Variants in ARHGEF18 observed in about 807,000 individuals in gnomAD.
ARHGEF18 encodes Rho/Rac guanine nucleotide exchange factor 18, also known as rho guanine nucleotide exchange factor 18.
ARHGEF18 carries 93 observed loss-of-function variants against 155.7 expected under a neutral mutation model. The observed-to-expected ratio is 0.60, with a 90% confidence interval of 0.50 to 0.71. The LOEUF (loss-of-function observed/expected upper bound fraction) is 0.71. Ranked by LOEUF, ARHGEF18 falls within the 30% of genes least tolerant of loss-of-function variation. The pLI is 0.00. For missense variants in ARHGEF18, 1,593 were observed against 1,816.1 expected (o/e 0.88, Z 2.23); for synonymous variants, 742 against 753.1 (o/e 0.99, Z 0.24).
In ARHGEF18 at chr19:7,467,425, G is replaced by T. The variant is rs1303119354; in HGVS notation, c.3221G>T (p.Arg1074Leu). Residue 1074 changes from arginine to leucine, a missense_variant, in exon 26 of 29, where the codon CGC (arginine) becomes CTC (leucine). Transcript: ENST00000668164. Reference sequence around the variant, plus strand: ...GAGCAGCAGCGCTGGGAGCGCGAGCGCCAGTGGCAGCACCAGGAGCTGGAG... The same window carrying T: ...GAGCAGCAGCGCTGGGAGCGCGAGCTCCAGTGGCAGCACCAGGAGCTGGAG... ...RHEQQRWERE[R>L]QWQHQELERA... 6.5e-7 allele frequency: 1 copy of T among 1,531,656 alleles called. No individual in the cohort carries two copies. The highest frequency in any genetic ancestry group is 8.7e-7 in the Non-Finnish European group (1 of 1,145,196). The allele number at this position is 1,531,656 out of a possible 1,614,324, so 94.9% of individuals were successfully genotyped here. A position where few individuals can be genotyped will look rare whatever the true frequency, so the allele number is the denominator to read the frequency against.
At position 7,440,594 on chromosome 19, in the gene ARHGEF18, C is replaced by A. The variant is rs1974579411; in HGVS notation, c.1106+112C>A. 14 of 1,307,198 alleles carry A rather than the reference C, an allele frequency of 1.1e-5. No individual in the cohort carries two copies. The highest frequency in any genetic ancestry group is 8.1e-5 in the Admixed American group (3 of 37,262). The allele number at this position is 1,307,198 out of a possible 1,614,324, so 81.0% of individuals were successfully genotyped here. A position where few individuals can be genotyped will look rare whatever the true frequency, so the allele number is the denominator to read the frequency against. On this transcript the variant is annotated intron_variant, in intron 11 of 28. Coordinates refer to ENST00000668164, the MANE Select transcript of ARHGEF18 (RefSeq NM_001367823.1). The surrounding 1 kb of genome is among the most constrained non-coding windows in gnomAD (Gnocchi z 5.4). ...CTTAGATCTGTGTGAATCCACACGG[C>A]AGCCCCCGTGCTAAGCAGAGAAATT...
At chr19:7,364,570 T>C (rs866180612) in intron 2 of ARHGEF18, among the ~76,000 whole-genome samples, 2 of 152,178 alleles carry the variant, frequency 1.3e-5, no homozygotes, top group Middle Eastern at 3.4e-3. Flanking sequence ...GCCTGTGGGG[T>C]AGGCCAGCCC....
intron 10 of ARHGEF18, among the ~76,000 whole-genome samples, chr19:7,405,106 C>T (rs1055534595): frequency 6.6e-6 from 1 of 152,004 alleles, no homozygotes; most frequent in Non-Finnish European, 1.5e-5. Context: ...TATAGGTGCC[C>T]GCCACTATGC....
intron 2 of ARHGEF18, among the ~76,000 whole-genome samples, chr19:7,363,574 T>A (rs955694282): frequency 2.7e-5 from 4 of 149,886 alleles, no homozygotes; most frequent in Non-Finnish European, 5.9e-5. Flanking sequence ...GAATGATTGA[T>A]GAATAAAATG....
intron 2 of ARHGEF18, among the ~76,000 whole-genome samples, chr19:7,364,429 G>A (rs933249425): frequency 2.1e-5 from 3 of 143,358 alleles, no homozygotes; most frequent in Admixed American, 7.1e-5. Flanking sequence ...ACCAAATACA[G>A]CCTAGAAAGG....
intron 1 of ARHGEF18, among the ~76,000 whole-genome samples, chr19:7,361,920 A>G (rs1290230228): frequency 6.6e-6 from 1 of 151,476 alleles, no homozygotes; most frequent in Admixed American, 6.6e-5. Context: ...TGAACTCGGG[A>G]GGCGGAGGTT....
At chr19:7,403,552 TC>T (rs201366347) in intron 10 of ARHGEF18, among the ~76,000 whole-genome samples, 126 of 130,288 alleles carry the variant, frequency 9.7e-4, no homozygotes, top group African/African-American at 3.6e-3. Context: ...TTTCTTTCTT[TC>T]TTTTTTTTTT....
intron 10 of ARHGEF18, among the ~76,000 whole-genome samples, chr19:7,409,875 G>A (rs1428978735): frequency 3.4e-5 from 5 of 148,814 alleles, no homozygotes; most frequent in African/African-American, 1.2e-4. Flanking sequence ...CCAAGTTCAA[G>A]CGATTCTCCT....
intron 16 of ARHGEF18, among the ~76,000 whole-genome samples, chr19:7,453,153 C>T (rs753094775): frequency 5.9e-5 from 9 of 152,002 alleles, no homozygotes; most frequent in South Asian, 2.1e-4. Flanking sequence ...GCTGAGATTG[C>T]GCCATTGTAC....
chr19:7,356,084 G>A (rs531722516), intron 1 of ARHGEF18, among the ~76,000 whole-genome samples: 6 of 152,008 alleles, frequency 3.9e-5, no homozygotes, highest in South Asian at 4.2e-4. Flanking sequence ...AAACAAAAAC[G>A]GGGGGATTAG....
At chr19:7,456,241 C>G in intron 17 of ARHGEF18, 86 bp from the exon 18 acceptor site, 2 of 1,225,840 alleles carry the variant, frequency 1.6e-6, no homozygotes, top group Non-Finnish European at 2.4e-6. Context: ...TTACACCTTC[C>G]TGGGAAGTGG....
chr19:7,424,553 C>T (rs914631077), intron 10 of ARHGEF18, among the ~76,000 whole-genome samples: 1 of 152,164 alleles, frequency 6.6e-6, no homozygotes, highest in Admixed American at 6.5e-5. Context: ...ACGTGAAATA[C>T]TTGTGTGTTC....
chr19:7,405,569 A>G (rs1342171176), intron 10 of ARHGEF18, among the ~76,000 whole-genome samples: 1 of 152,186 alleles, frequency 6.6e-6, no homozygotes, highest in Non-Finnish European at 1.5e-5. Context: ...CCACTTCAGG[A>G]ACCTCCTATT....
At chr19:7,389,919 G>A (rs1971302059) in intron 10 of ARHGEF18, among the ~76,000 whole-genome samples, 1 of 152,132 alleles carries the variant, frequency 6.6e-6, no homozygotes, top group Non-Finnish European at 1.5e-5. Context: ...AAATGATGTG[G>A]GGCCGGGCGC....
intron 10 of ARHGEF18, among the ~76,000 whole-genome samples, chr19:7,430,706 G>A (rs946241835): frequency 2.0e-5 from 3 of 152,156 alleles, no homozygotes; most frequent in African/African-American, 7.2e-5. Flanking sequence ...TTGGGAAGCT[G>A]AGGCCAGAGG....
chr19:7,448,479 G>A (rs929829638), intron 15 of ARHGEF18, among the ~76,000 whole-genome samples: 2 of 152,146 alleles, frequency 1.3e-5, no homozygotes, highest in African/African-American at 4.8e-5. Context: ...GGCTAACATG[G>A]TGAAACCTGG....
intron 10 of ARHGEF18, among the ~76,000 whole-genome samples, chr19:7,415,287 C>T (rs964242532): frequency 1.3e-5 from 2 of 152,042 alleles, no homozygotes; most frequent in Non-Finnish European, 2.9e-5. Flanking sequence ...TTGCTTAGAG[C>T]GCCCTCCTGA....
chr19:7,429,309 C>T (rs1023773997), intron 10 of ARHGEF18, among the ~76,000 whole-genome samples: 7 of 152,130 alleles, frequency 4.6e-5, no homozygotes, highest in African/African-American at 1.4e-4. Flanking sequence ...CCCCAAAGCC[C>T]GTTAAACAGA....
chr19:7,396,646 C>T (rs1971725703), intron 10 of ARHGEF18, among the ~76,000 whole-genome samples: 1 of 150,930 alleles, frequency 6.6e-6, no homozygotes, highest in Admixed American at 6.6e-5. Context: ...ACTCGGGAGG[C>T]AGAAGTTGCA....
Sources: gnomAD v4.1 joint callset for allele counts (sites outside exome capture counted in the v4.1 genomes callset) on GRCh38, gnomAD v4.1.1 for gene constraint, Gnocchi (gnomAD v3.1) non-coding constraint, MANE v1.5 for transcripts, NCBI Gene and HGNC (gene_info 2026-07-23, HGNC 2026-07-21) for gene names.